Variants in ACSL3 observed in about 807,000 individuals in gnomAD.
ACSL3 encodes the protein acyl-CoA synthetase long chain family member 3.
In ACSL3, 34 loss-of-function variants were observed where a neutral mutation model predicts 84.7. That is an observed-to-expected ratio of 0.40 (90% CI 0.31 to 0.53). The LOEUF is 0.53. Ranked by LOEUF, ACSL3 falls within the 20% of genes least tolerant of loss-of-function variation. The probability of loss-of-function intolerance (pLI) is 0.48; values close to 1 mark genes in which losing one functional copy is unlikely to be tolerated. For missense variants in ACSL3, 680 were observed against 873.1 expected (o/e 0.78, Z 2.79); for synonymous variants, 315 against 299.4 (o/e 1.05, Z -0.54).
intron 2 of ACSL3, among the ~76,000 whole-genome samples, chr2:222,893,848 T>G (rs1258153197): frequency 6.6e-6 from 1 of 152,056 alleles, no homozygotes; most frequent in African/African-American, 2.4e-5. Flanking sequence ...TGACTTTGTC[T>G]TTTCACAAAG....
In ACSL3 at chr2:222,868,969, CAAA is replaced by C. The variant is rs113574316; in HGVS notation, c.-207+7725_-207+7727del. 1.0e-4 allele frequency among the ~76,000 whole-genome samples: 12 copies of C among 114,834 alleles called. No individual in the cohort carries two copies. The East Asian group carries it at 2.5e-3, about 24-fold the overall frequency. The allele number at this position is 114,834 out of a possible 152,430, so 75.3% of individuals were successfully genotyped here. A position where few individuals can be genotyped will look rare whatever the true frequency, so the allele number is the denominator to read the frequency against. The stretch of plus-strand genomic sequence containing the variant: ...TGGGCAACAGAGGGAGACGCTGTCT[CAAA>C]AAAAAAAAAAAAATTAGGATTTATC... On this transcript the variant is annotated intron_variant, in intron 1 of 16. Transcript: ENST00000357430.
chr2:222,864,231 G>T lies in ACSL3; in HGVS notation c.-207+2973G>T, dbSNP rs188637528. On this transcript the variant is annotated intron_variant, in intron 1 of 16. Coordinates refer to ENST00000357430, the MANE Select transcript of ACSL3 (RefSeq NM_004457.5). ...TGGATATGGGAAGGGCATGACTTTA[G>T]TTTTGGAAGTGTTCAGCTGGAGCTG... 1.1e-3 allele frequency among the ~76,000 whole-genome samples: 166 copies of T among 152,290 alleles called. 2 individuals carry two copies. The highest frequency in any genetic ancestry group is 6.8e-3 in the Middle Eastern group (2 of 294).
At chr2:222,923,293 T>C in intron 10 of ACSL3, 144 bp downstream of exon 10, 1 of 672,110 alleles carries the variant, frequency 1.5e-6, no homozygotes, top group South Asian at 2.5e-5. Flanking sequence ...CCTTAGGCGC[T>C]ATGGGATTTC....
At chr2:222,893,520 C>G (rs939826207) in intron 2 of ACSL3, among the ~76,000 whole-genome samples, 1 of 152,098 alleles carries the variant, frequency 6.6e-6, no homozygotes, top group Non-Finnish European at 1.5e-5. Context: ...TTGTATCTCT[C>G]TTGCGCCTAA....
intron 3 of ACSL3, among the ~76,000 whole-genome samples, chr2:222,907,756 TA>T (rs34528925): frequency 0.43 from 59,746 of 138,902 alleles, 12,769 homozygotes; most frequent in Admixed American, 0.51. Flanking sequence ...ATCCTGTCTT[TA>T]AAAAAAAAAA....
chr2:222,939,775 A>G (rs1256063414), intron 16 of ACSL3, among the ~76,000 whole-genome samples: 2 of 152,226 alleles, frequency 1.3e-5, no homozygotes, highest in Admixed American at 1.3e-4. Flanking sequence ...TACACAGGCA[A>G]TAAATAGGCC....
At chr2:222,924,188 A>G (rs565981345) in intron 10 of ACSL3, among the ~76,000 whole-genome samples, 1 of 152,368 alleles carries the variant, frequency 6.6e-6, no homozygotes, top group South Asian at 2.1e-4. Context: ...ATGAGTATCT[A>G]GATATATTTC....
At chr2:222,903,297 A>G (rs1696203425) in intron 3 of ACSL3, among the ~76,000 whole-genome samples, 1 of 152,160 alleles carries the variant, frequency 6.6e-6, no homozygotes, top group Admixed American at 6.5e-5. Context: ...GTGTGCCACC[A>G]TACCTGGCTA....
chr2:222,869,470 T>C (rs764213698), intron 1 of ACSL3, among the ~76,000 whole-genome samples: 4 of 152,224 alleles, frequency 2.6e-5, no homozygotes, highest in Non-Finnish European at 5.9e-5. Context: ...TAACAAGACA[T>C]TCTGAACCAG....
intron 1 of ACSL3, among the ~76,000 whole-genome samples, chr2:222,883,685 T>G (rs1396048259): frequency 2.1e-5 from 2 of 97,402 alleles, no homozygotes; most frequent in Non-Finnish European, 3.9e-5. Flanking sequence ...GCTTCAGGAA[T>G]TTTTGCCTCT....
chr2:222,880,999 A>G (rs1695579311), intron 1 of ACSL3, among the ~76,000 whole-genome samples: 1 of 152,210 alleles, frequency 6.6e-6, no homozygotes, highest in African/African-American at 2.4e-5. Flanking sequence ...CTTTTTCAGT[A>G]TTCATAACTG....
At chr2:222,939,491 A>G (rs1332922635) in intron 16 of ACSL3, among the ~76,000 whole-genome samples, 2 of 152,110 alleles carry the variant, frequency 1.3e-5, no homozygotes, top group Non-Finnish European at 1.5e-5. Context: ...CCTCTGGTTC[A>G]TGTTAATCTT....
intron 2 of ACSL3, among the ~76,000 whole-genome samples, chr2:222,891,181 T>C (rs533599328): frequency 6.6e-6 from 1 of 152,362 alleles, no homozygotes; most frequent in East Asian, 1.9e-4. Context: ...TTCTCATTAA[T>C]CATTTTGTAG....
At chr2:222,873,280 C>T (rs776708246) in intron 1 of ACSL3, among the ~76,000 whole-genome samples, 2 of 152,002 alleles carry the variant, frequency 1.3e-5, no homozygotes, top group African/African-American at 4.8e-5. Context: ...TGGTATTGTT[C>T]GCCTATTAAG....
chr2:222,866,168 C>T (rs183677842), intron 1 of ACSL3, among the ~76,000 whole-genome samples: 3 of 151,080 alleles, frequency 2.0e-5, no homozygotes, highest in African/African-American at 4.9e-5. Context: ...TTTTTTGAGA[C>T]GGAGTCTCGC....
intron 3 of ACSL3, among the ~76,000 whole-genome samples, chr2:222,907,851 G>A (rs1055677294): frequency 2.0e-5 from 3 of 151,866 alleles, no homozygotes; most frequent in African/African-American, 7.3e-5. Flanking sequence ...TAGGCACATG[G>A]TACGCTCTCT....
rs556198836 is a variant in ACSL3, at chr2:222,934,781, T to G, written c.2005+94T>G. On this transcript the variant is annotated intron_variant, in intron 16 of 16. Transcript: ENST00000357430. ...TTTTAAGGTTTAGGGTTCATTACTT[T>G]CTGCTCAGAAACCATTTCTACCGTT... is the stretch of plus-strand genomic sequence containing the variant. The G allele has an allele frequency of 4.5e-6, 6 of 1,339,820 alleles. No homozygotes were observed. The South Asian group carries it at 8.9e-5, about 20-fold the overall frequency. 83.0% of individuals were successfully genotyped at this position (1,339,820 alleles called of 1,614,324 possible).
Position 222,930,833 on chromosome 2 carries a change from T to C in ACSL3, c.1732+21T>C, listed in dbSNP as rs754846327. The stretch of plus-strand genomic sequence containing the variant: ...TATTGGTAAGTCATCTAATATTTTT[T>C]TGAAAATGAATGTTTCTGAAATAGT... On this transcript the variant is annotated intron_variant, in intron 14 of 16. Transcript: ENST00000357430. 6 of 1,572,800 alleles carry C rather than the reference T, an allele frequency of 3.8e-6. No homozygotes were observed. The African/African-American group carries it at 5.5e-5, about 14-fold the overall frequency.
chr2:222,922,900 AG>A, intron 9 of ACSL3, 69 bp downstream of exon 9: 1 of 1,585,770 alleles, frequency 6.3e-7, no homozygotes, highest in Non-Finnish European at 8.6e-7. Context: ...TTTTTCAGTC[AG>A]TATGACAGTA....
Sources: allele counts gnomAD v4.1 joint callset (sites outside exome capture counted in the v4.1 genomes callset), GRCh38; gene constraint gnomAD v4.1.1; transcripts MANE v1.5; gene names NCBI Gene and HGNC (gene_info 2026-07-23, HGNC 2026-07-21).